The following MCPH1 variants were observed in gnomAD, a reference collection of about 807,000 sequenced individuals.
MCPH1 encodes microcephalin 1, also known as microcephalin.
A neutral mutation model predicts 84.5 loss-of-function variants in MCPH1; 104 were observed. That is an observed-to-expected ratio of 1.23 (90% confidence interval 1.05 to 1.45). The LOEUF (loss-of-function observed/expected upper bound fraction) is 1.45. Among genes scored for constraint, MCPH1 ranks in the 40% most tolerant of loss-of-function variants. The probability of loss-of-function intolerance (pLI) is 0.00; values close to 1 mark genes in which losing one functional copy is unlikely to be tolerated. For synonymous variants in MCPH1, 514 were observed against 366.8 expected (o/e 1.40, Z -4.58); for missense variants, 1,498 against 1,005.7 (o/e 1.49, Z -6.62).
intron 12 of MCPH1, among the ~76,000 whole-genome samples, chr8:6,537,341 G>A (rs1343189494): frequency 1.3e-5 from 2 of 152,102 alleles, no homozygotes; most frequent in Non-Finnish European, 2.9e-5. Context: ...TCGGCAAAGT[G>A]TGGGGCCTTG....
In MCPH1 at chr8:6,442,924, C is replaced by G. The variant is rs144862649; in HGVS notation, c.670+768C>G. Among the ~76,000 whole-genome samples the G allele has an allele frequency of 1.5e-3, 232 of 152,330 alleles. 1 individual carries two copies. In the Middle Eastern group the frequency reaches 0.017, roughly 11 times the overall value. Reference sequence around the variant, plus strand: ...CGCAGGGTTAATCCTTGTACTCTCACCTCTGTGTGCTGGAATTATTTACCC... The same window carrying G: ...CGCAGGGTTAATCCTTGTACTCTCAGCTCTGTGTGCTGGAATTATTTACCC... On this transcript the variant is annotated intron_variant, in intron 7 of 13. Transcript: ENST00000344683.
In MCPH1 at chr8:6,444,673, G is replaced by A; in HGVS notation, c.951G>A (p.Gln317=). Residue 317 remains glutamine, a synonymous_variant, in exon 8 of 14, where the codon CAG becomes CAA. Coordinates refer to ENST00000344683, the MANE Select transcript of MCPH1 (RefSeq NM_024596.5). ...AGKVVTPDQK[Q]AAGMSQETFE... is the part of the protein sequence containing the mutation. ...AAGTAGTCACCCCTGACCAAAAGCA[G>A]GCTGCAGGTATGTCTCAGGAGACGT... 2 of 1,614,070 alleles carry A rather than the reference G, an allele frequency of 1.2e-6. No homozygotes were observed. Among genetic ancestry groups the A allele is most frequent in the Non-Finnish European group, 1.7e-6 (2 of 1,180,026 alleles).
At chr8:6,430,462 G>A (rs895255465) in intron 3 of MCPH1, among the ~76,000 whole-genome samples, 7 of 152,174 alleles carry the variant, frequency 4.6e-5, no homozygotes, top group African/African-American at 1.7e-4. Flanking sequence ...AGGGGGTCAG[G>A]GATGCCAGGA....
chr8:6,634,175 G>A (rs1797369096), intron 13 of MCPH1, among the ~76,000 whole-genome samples: 1 of 152,198 alleles, frequency 6.6e-6, no homozygotes, highest in South Asian at 2.1e-4. Context: ...GCCACTCAGT[G>A]GTAGGCTGAT....
At chr8:6,431,391 G>A (rs1801811476) in intron 3 of MCPH1, 108 bp from the exon 4 acceptor site, 4 of 804,260 alleles carry the variant, frequency 5.0e-6, no homozygotes, top group Non-Finnish European at 6.3e-6. Context: ...CTGTTAAAAT[G>A]ACCTAGCTAT....
At chr8:6,592,117 C>T (rs914786026) in intron 12 of MCPH1, among the ~76,000 whole-genome samples, 2 of 152,146 alleles carry the variant, frequency 1.3e-5, no homozygotes, top group East Asian at 3.9e-4. Context: ...GTACCCATCA[C>T]TCAGCATTGC....
intron 12 of MCPH1, among the ~76,000 whole-genome samples, chr8:6,608,326 G>T (rs571175178): frequency 6.6e-6 from 1 of 152,344 alleles, no homozygotes; most frequent in African/African-American, 2.4e-5. Flanking sequence ...CGGCCTAAAG[G>T]CAATCGCAAG....
At chr8:6,531,827 G>A (rs561900414) in intron 12 of MCPH1, among the ~76,000 whole-genome samples, 1 of 152,286 alleles carries the variant, frequency 6.6e-6, no homozygotes, top group Admixed American at 6.5e-5. Flanking sequence ...GTGGCTAGAC[G>A]CTTCTCACTG....
At chr8:6,469,106 G>C (rs1027915704) in intron 9 of MCPH1, among the ~76,000 whole-genome samples, 8 of 152,134 alleles carry the variant, frequency 5.3e-5, no homozygotes, top group Non-Finnish European at 7.3e-5. Context: ...CTTGAGACCA[G>C]GAATTCGAGG....
intron 13 of MCPH1, among the ~76,000 whole-genome samples, chr8:6,636,273 G>C (rs1475991545): frequency 6.6e-6 from 1 of 150,922 alleles, no homozygotes; most frequent in Non-Finnish European, 1.5e-5. Flanking sequence ...CTGGGAGGTA[G>C]AGATTGCAGT....
intron 12 of MCPH1, among the ~76,000 whole-genome samples, chr8:6,598,685 C>T (rs1745487605): frequency 6.6e-6 from 1 of 152,238 alleles, no homozygotes; most frequent in Admixed American, 6.5e-5. Context: ...GGCGGCTTCA[C>T]GACAGGCGTG....
At chr8:6,411,780 T>C (rs1345466215) in intron 2 of MCPH1, among the ~76,000 whole-genome samples, 3 of 152,176 alleles carry the variant, frequency 2.0e-5, no homozygotes, top group Non-Finnish European at 2.9e-5. Context: ...GTATATAACC[T>C]GTTCAGTACT....
chr8:6,638,738 A>T (rs973149265), intron 13 of MCPH1, among the ~76,000 whole-genome samples: 1 of 152,094 alleles, frequency 6.6e-6, no homozygotes, highest in Non-Finnish European at 1.5e-5. Context: ...GATTATTCCT[A>T]TGAAGTGACA....
intron 6 of MCPH1, among the ~76,000 whole-genome samples, chr8:6,440,178 C>G (rs886317861): frequency 3.3e-5 from 5 of 151,744 alleles, no homozygotes; most frequent in African/African-American, 1.2e-4. Flanking sequence ...TATTTTTTTC[C>G]CAGTTATTAG....
At chr8:6,497,256 G>A (rs1401885107) in intron 11 of MCPH1, among the ~76,000 whole-genome samples, 1 of 151,762 alleles carries the variant, frequency 6.6e-6, no homozygotes, top group African/African-American at 2.4e-5. Context: ...CGAAGCAGGT[G>A]GATCACTTGA....
chr8:6,546,943 G>T (rs756779358), intron 12 of MCPH1, among the ~76,000 whole-genome samples: 2 of 152,232 alleles, frequency 1.3e-5, no homozygotes, highest in Admixed American at 1.3e-4. Context: ...AAACAGCCAT[G>T]TTCCTTGCAA....
intron 3 of MCPH1, among the ~76,000 whole-genome samples, chr8:6,422,179 C>T (rs1800303058): frequency 6.6e-6 from 1 of 152,184 alleles, no homozygotes; most frequent in Non-Finnish European, 1.5e-5. Flanking sequence ...AGAGCAGCTA[C>T]CTGTCTGTCT....
chr8:6,515,637 A>G (rs1816122682), intron 12 of MCPH1, among the ~76,000 whole-genome samples: 1 of 152,254 alleles, frequency 6.6e-6, no homozygotes, highest in South Asian at 2.1e-4. Context: ...ATAAGATTAC[A>G]TAAATAGTTT....
At chr8:6,548,484 G>C (rs1823011304) in intron 12 of MCPH1, among the ~76,000 whole-genome samples, 1 of 152,282 alleles carries the variant, frequency 6.6e-6, no homozygotes, top group Non-Finnish European at 1.5e-5. Flanking sequence ...CGAGGAAAAT[G>C]CTGGGTTTTT....
Sources: allele counts gnomAD v4.1 joint callset (sites outside exome capture counted in the v4.1 genomes callset), GRCh38; gene constraint gnomAD v4.1.1; transcripts MANE v1.5; gene names NCBI Gene and HGNC (gene_info 2026-07-23, HGNC 2026-07-21).